The following MAGT1 variants were observed in gnomAD, a reference collection of about 807,000 sequenced individuals.
MAGT1 encodes dolichyl-diphosphooligosaccharide--protein glycosyltransferase subunit MAGT1.
Under a neutral mutation model 28.4 loss-of-function variants are expected in MAGT1, and 4 were observed. That is an observed-to-expected ratio of 0.14 (90% confidence interval 0.07 to 0.32). MAGT1 has a LOEUF of 0.32. Among genes scored for constraint, MAGT1 ranks in the 10% least tolerant of loss-of-function variants. The probability of loss-of-function intolerance (pLI) is 1.00; values close to 1 mark genes in which losing one functional copy is unlikely to be tolerated. For synonymous variants in MAGT1, 89 were observed against 89.7 expected, an observed-to-expected ratio of 0.99 and a Z score of 0.04; for missense variants, 193 against 264.5, an observed-to-expected ratio of 0.73 and a Z score of 1.88.
chrX:77,838,124 C>G (rs1460446732), intron 8 of MAGT1, among the ~76,000 whole-genome samples: 1 of 111,757 alleles, frequency 8.9e-6, no homozygotes, highest in South Asian at 3.7e-4. Flanking sequence ...ATTCTCTCTG[C>G]AACAGATAAC....
intron 1 of MAGT1, among the ~76,000 whole-genome samples, chrX:77,886,234 T>C (rs1232353274): frequency 1.8e-5 from 2 of 112,056 alleles, no homozygotes. Context: ...AAAAGAAAGA[T>C]TTAGTGATAA....
chrX:77,891,747 T>C (rs782627771), intron 1 of MAGT1, among the ~76,000 whole-genome samples: 9 of 110,800 alleles, frequency 8.1e-5, no homozygotes, highest in Non-Finnish European at 1.3e-4. Context: ...CTGGTCAACA[T>C]AGTGAGACCC....
intron 1 of MAGT1, among the ~76,000 whole-genome samples, chrX:77,880,523 G>C (rs782102487): frequency 7.3e-5 from 8 of 110,218 alleles, no homozygotes; most frequent in Non-Finnish European, 1.3e-4. Context: ...GCGACACTCA[G>C]TCTCAAAACA....
intron 1 of MAGT1, among the ~76,000 whole-genome samples, chrX:77,881,182 C>G (rs1557218398): frequency 9.1e-6 from 1 of 110,347 alleles, no homozygotes; most frequent in Admixed American, 9.8e-5. Context: ...ATTCTCAGAG[C>G]ACAGAAAATA....
chrX:77,849,966 C>T (rs1557215374), intron 7 of MAGT1, among the ~76,000 whole-genome samples: 2 of 109,443 alleles, frequency 1.8e-5, no homozygotes, highest in African/African-American at 6.6e-5. Flanking sequence ...AACTGCAACA[C>T]TTAAAATGTA....
At chrX:77,872,545 A>T (rs1178154395) in intron 2 of MAGT1, among the ~76,000 whole-genome samples, 1 of 111,614 alleles carries the variant, frequency 9.0e-6, no homozygotes, top group Non-Finnish European at 1.9e-5. Context: ...AATCAATCTC[A>T]AACAGTAACC....
intron 7 of MAGT1, among the ~76,000 whole-genome samples, chrX:77,845,645 T>C (rs1337644439): frequency 9.0e-6 from 1 of 111,601 alleles, no homozygotes; most frequent in African/African-American, 3.3e-5. Flanking sequence ...GGTGACAAAA[T>C]CTCTCAGCAT....
chrX:77,868,628 C>T (rs1232398225), intron 3 of MAGT1: 2 of 304,371 alleles, frequency 6.6e-6, no homozygotes, highest in Admixed American at 3.3e-5. Flanking sequence ...CAGAGCGAGA[C>T]TCCATCTCAA....
At chrX:77,832,612 C>A (rs1007413451) in intron 8 of MAGT1, among the ~76,000 whole-genome samples, 1 of 109,363 alleles carries the variant, frequency 9.1e-6, no homozygotes, top group African/African-American at 3.3e-5. Flanking sequence ...GGGTGGATCA[C>A]GAGGTCAGGA....
rs1603360420 is a variant in MAGT1, at chrX:77,845,991, G to A, written c.827-4671C>T. 1.9e-5 allele frequency among the ~76,000 whole-genome samples: 2 copies of A among 104,798 alleles called. 1 individual carries two copies. The highest frequency in any genetic ancestry group is 5.6e-4 in the East Asian group (2 of 3,574). The allele number at this position is 104,798 out of a possible 115,157, so 91.0% of individuals were successfully genotyped here. A position where few individuals can be genotyped will look rare whatever the true frequency, so the allele number is the denominator to read the frequency against. ...ATTTGAATGTTCGCCTGCCTTGCTA[G>A]ATTGGGGAAGTTCTCCTGGATAATA... On this transcript the variant is annotated intron_variant, in intron 7 of 9. Transcript: ENST00000618282.
chrX:77,871,149 G>A (rs1468145837), intron 2 of MAGT1, among the ~76,000 whole-genome samples: 5 of 111,613 alleles, frequency 4.5e-5, no homozygotes, highest in African/African-American at 1.6e-4. Context: ...ATGAGAAGTA[G>A]TAATTACCTG....
rs1370888159 is a variant in MAGT1, at chrX:77,852,588, G to A, written c.826+1313C>T. Among the ~76,000 whole-genome samples the A allele has an allele frequency of 4.6e-5, 5 of 109,287 alleles. No homozygotes were observed. The East Asian group carries it at 1.1e-3, about 25-fold the overall frequency. 94.9% of individuals were successfully genotyped at this position (109,287 alleles called of 115,157 possible). On this transcript the variant is annotated intron_variant, in intron 7 of 9. Coordinates refer to ENST00000618282, the MANE Select transcript of MAGT1 (RefSeq NM_001367916.1). ...TCAGAAAAAAATATATTTAAGTTTCGTTTTTTTTCCCTTTTTTATTAGAGA... is the reference window on the plus strand; with the variant it reads ...TCAGAAAAAAATATATTTAAGTTTCATTTTTTTTCCCTTTTTTATTAGAGA...
intron 3 of MAGT1, among the ~76,000 whole-genome samples, chrX:77,858,598 G>C (rs1411518343): frequency 5.4e-5 from 6 of 111,829 alleles, no homozygotes; most frequent in Non-Finnish European, 1.1e-4. Context: ...TTCCCATAAG[G>C]TGAGAGCATG....
intron 1 of MAGT1, among the ~76,000 whole-genome samples, chrX:77,879,319 T>C (rs1389081764): frequency 1.8e-5 from 2 of 112,022 alleles, no homozygotes; most frequent in African/African-American, 3.2e-5. Flanking sequence ...CCTCCCAAAG[T>C]GCTGGGATTA....
At chrX:77,831,512 T>C (rs2076898551) in intron 8 of MAGT1, among the ~76,000 whole-genome samples, 2 of 111,511 alleles carry the variant, frequency 1.8e-5, no homozygotes, top group South Asian at 7.4e-4. Context: ...TGAATTCCTT[T>C]AAAGTCATCA....
intron 8 of MAGT1, among the ~76,000 whole-genome samples, chrX:77,835,806 CATT>C (rs1341794736): frequency 2.7e-5 from 3 of 110,512 alleles, no homozygotes; most frequent in Admixed American, 9.8e-5. Context: ...AACTGGAAAT[CATT>C]ATTATTATTG....
At chrX:77,846,887 C>A (rs376522007) in intron 7 of MAGT1, among the ~76,000 whole-genome samples, 5 of 112,032 alleles carry the variant, frequency 4.5e-5, no homozygotes, top group African/African-American at 1.6e-4. Flanking sequence ...GTCAGGGACC[C>A]ACTTAAGGAG....
In MAGT1 at chrX:77,856,809, A is replaced by G. The variant is rs1426800096; in HGVS notation, c.596T>C (p.Ile199Thr). The G allele has an allele frequency of 9.9e-6, 12 of 1,207,012 alleles. No individual in the cohort carries two copies. The highest frequency in any genetic ancestry group is 5.9e-5 in the East Asian group (2 of 33,783). Residue 199 changes from isoleucine (I) to threonine (T), a missense_variant, in exon 5 of 10, where the codon ATT becomes ACT. Ile to Thr is a moderately conservative substitution (Grantham distance 89, BLOSUM62 -1). Transcript: ENST00000618282. ...PLMLGLLLAVIGGLVYLRRSN... is the reference protein window; with the variant it reads ...PLMLGLLLAVTGGLVYLRRSN... ...TCTTCGAAGATACACAAGTCCACCA[A>G]TAACAGCCAAAAGCAATCCCAACAT...
intron 1 of MAGT1, among the ~76,000 whole-genome samples, chrX:77,875,817 T>G (rs1333604623): frequency 9.1e-6 from 1 of 110,020 alleles, no homozygotes; most frequent in Non-Finnish European, 1.9e-5. Flanking sequence ...TGTAATTAAT[T>G]ATGAATGAAT....
Sources: gnomAD v4.1 joint callset for allele counts (sites outside exome capture counted in the v4.1 genomes callset) on GRCh38, gnomAD v4.1.1 for gene constraint, MANE v1.5 for transcripts, NCBI Gene and HGNC (gene_info 2026-07-23, HGNC 2026-07-21) for gene names.